Variants in MRTFB observed in about 807,000 individuals in gnomAD.
MRTFB encodes myocardin related transcription factor B.
A neutral mutation model predicts 104.2 loss-of-function variants in MRTFB; 29 were observed. The ratio of observed to expected loss-of-function variants is 0.28; its 90% CI spans 0.21 to 0.38. The LOEUF is 0.38. Ranked by LOEUF, MRTFB falls within the 10% of genes least tolerant of loss-of-function variation. MRTFB has a pLI of 1.00. For synonymous variants in MRTFB, 535 were observed against 519.5 expected (o/e 1.03, Z -0.41); for missense variants, 1,270 against 1,341.6 (o/e 0.95, Z 0.83).
At chr16:14,053,827 G>T in the MRTFB span, among the ~76,000 whole-genome samples, 1 of 152,084 alleles carries the variant, frequency 6.6e-6, no homozygotes, top group Non-Finnish European at 1.5e-5. Context: ...GTTCAAGGTT[G>T]CAGTGAGCTA....
At chr16:14,135,578 A>AT (rs1322174654) in intron 2 of MRTFB, among the ~76,000 whole-genome samples, 7 of 152,188 alleles carry the variant, frequency 4.6e-5, no homozygotes, top group African/African-American at 1.7e-4. Flanking sequence ...CTAACAAAGC[A>AT]TTTCTCAGAG....
In MRTFB at chr16:14,266,446, T is replaced by TG. The variant is rs1206968124; in HGVS notation, c.*5003dup. The TG allele has an allele frequency of 3.3e-5, 5 of 152,248 alleles. No individual in the cohort carries two copies. The highest frequency in any genetic ancestry group is 1.2e-4 in the African/African-American group (5 of 41,468). 9.4% of individuals were successfully genotyped at this position (152,248 alleles called of 1,614,324 possible). A position where few individuals can be genotyped will look rare whatever the true frequency, so the allele number is the denominator to read the frequency against. ...AGAAAGATACCAATCTACAGAGCCC[T>TG]GCTTGTTGAAGCACTAGTTTAATCA... On this transcript the variant is annotated 3_prime_UTR_variant, in exon 17 of 17. Coordinates refer to ENST00000571589, the MANE Select transcript of MRTFB (RefSeq NM_001308142.2).
In MRTFB at chr16:14,262,464, G is replaced by C. The variant is rs76522200; in HGVS notation, c.*1020G>C. ...GGCGAGTTAGAAGAATGGAAGGTAA[G>C]GGGAAGGTCTGTCATCTACCCAGGA... On this transcript the variant is annotated 3_prime_UTR_variant, in exon 17 of 17. Transcript: ENST00000571589. The C allele has an allele frequency of 0.024, 3,658 of 152,328 alleles. 64 individuals are homozygous for C. Among genetic ancestry groups the C allele is most frequent in the Middle Eastern group, 0.082 (24 of 292 alleles). The allele number at this position is 152,328 out of a possible 1,614,324, so 9.4% of individuals were successfully genotyped here. A position where few individuals can be genotyped will look rare whatever the true frequency, so the allele number is the denominator to read the frequency against.
intron 2 of MRTFB, among the ~76,000 whole-genome samples, chr16:14,094,088 G>C (rs918782697): frequency 5.9e-5 from 9 of 152,128 alleles, no homozygotes; most frequent in Admixed American, 5.9e-4. Context: ...AGCTCTTTTA[G>C]ATGATGGTAA....
intron 3 of MRTFB, among the ~76,000 whole-genome samples, chr16:14,197,756 G>A (rs1029908517): frequency 1.3e-5 from 2 of 152,110 alleles, no homozygotes; most frequent in Non-Finnish European, 1.5e-5. Flanking sequence ...GTGTGATGGG[G>A]AATATATAAT....
intron 12 of MRTFB, 179 bp downstream of exon 12, chr16:14,247,686 A>G (rs957847722): frequency 1.3e-5 from 8 of 615,462 alleles, no homozygotes; most frequent in Non-Finnish European, 2.2e-5. Context: ...CTGTTTTTAT[A>G]TAGTGAAAAA....
At chr16:14,069,347 G>A (rs780689941), upstream of MRTFB, among the ~76,000 whole-genome samples, 3 of 152,158 alleles carry the variant, frequency 2.0e-5, no homozygotes, top group Admixed American at 6.5e-5. Flanking sequence ...CGAACTGAGA[G>A]TTACACCATC....
At chr16:14,251,342 A>C (rs1597379712) in intron 13 of MRTFB, among the ~76,000 whole-genome samples, 1 of 141,858 alleles carries the variant, frequency 7.0e-6, no homozygotes, top group South Asian at 2.2e-4. Flanking sequence ...GCACCACTGC[A>C]CTCCAGCCTG....
At position 14,262,677 on chromosome 16, in the gene MRTFB, A is replaced by G. The variant is rs1177023021; in HGVS notation, c.*1233A>G. The stretch of plus-strand genomic sequence containing the variant: ...AACTGGAGGCTTTATTAGTGTTTTT[A>G]TATAGAAAACAGTTATTACATATGT... On this transcript the variant is annotated 3_prime_UTR_variant, in exon 17 of 17. Transcript: ENST00000571589. 1.3e-5 allele frequency: 2 copies of G among 152,236 alleles called. No homozygotes were observed. Among genetic ancestry groups the G allele is most frequent in the African/African-American group, 4.8e-5 (2 of 41,466 alleles). The allele number at this position is 152,236 out of a possible 1,614,324, so 9.4% of individuals were successfully genotyped here.
chr16:14,004,032 T>G, the MRTFB span, among the ~76,000 whole-genome samples: 1 of 151,990 alleles, frequency 6.6e-6, no homozygotes, highest in East Asian at 1.9e-4. Context: ...CAGTTGCATT[T>G]GAGGGTTCGT....
At chr16:14,059,477 T>C in the MRTFB span, among the ~76,000 whole-genome samples, 1 of 152,122 alleles carries the variant, frequency 6.6e-6, no homozygotes, top group South Asian at 2.1e-4. Flanking sequence ...GTATAAGTGT[T>C]AGGATGCTAG....
chr16:14,145,973 T>A (rs1362348550), intron 3 of MRTFB, among the ~76,000 whole-genome samples: 2 of 152,270 alleles, frequency 1.3e-5, no homozygotes, highest in Admixed American at 1.3e-4. Flanking sequence ...TGTTCCTTCC[T>A]GAGGTCGTGT....
intron 3 of MRTFB, among the ~76,000 whole-genome samples, chr16:14,204,056 G>A (rs1205798105): frequency 6.6e-6 from 1 of 152,088 alleles, no homozygotes; most frequent in Non-Finnish European, 1.5e-5. Context: ...TCGAACTCCT[G>A]GGCTCAAGTG....
chr16:14,109,661 TAGTATA>T (rs1286858203), intron 2 of MRTFB, among the ~76,000 whole-genome samples: 1 of 152,202 alleles, frequency 6.6e-6, no homozygotes, highest in Non-Finnish European at 1.5e-5. Context: ...CATTTTTATT[TAGTATA>T]AGTAATTGTC....
At chr16:14,147,903 G>A (rs900076860) in intron 3 of MRTFB, among the ~76,000 whole-genome samples, 3 of 152,126 alleles carry the variant, frequency 2.0e-5, no homozygotes, top group African/African-American at 7.2e-5. Context: ...AGTTTAAACC[G>A]ATGATGAGAC....
Position 14,240,330 on chromosome 16 carries a change from A to G in MRTFB, c.925A>G (p.Ile309Val). 6.2e-7 allele frequency: 1 copy of G among 1,614,230 alleles called. No homozygotes were observed. Among genetic ancestry groups the G allele is most frequent in the Non-Finnish European group, 8.5e-7 (1 of 1,180,040 alleles). The change falls in exon 10 of 17, where the codon ATT becomes GTT. Residue 309 changes from isoleucine (I) to valine (V), a missense_variant. By Grantham distance (29) the Ile-to-Val change is conservative. Coordinates refer to ENST00000571589, the MANE Select transcript of MRTFB (RefSeq NM_001308142.2). ...AAAGAAGTTAAAGTACCACCAATACATTCCACCAGATCAGAAGGGTGAGAA... is the reference window on the plus strand; with the variant it reads ...AAAGAAGTTAAAGTACCACCAATACGTTCCACCAGATCAGAAGGGTGAGAA... Reference protein sequence around the residue: ...RVKKLKYHQYIPPDQKGEKNE... With the variant: ...RVKKLKYHQYVPPDQKGEKNE...
At chr16:14,127,168 G>A (rs1241361497) in intron 2 of MRTFB, among the ~76,000 whole-genome samples, 2 of 152,138 alleles carry the variant, frequency 1.3e-5, no homozygotes, top group Non-Finnish European at 2.9e-5. Flanking sequence ...TTATTAGTTT[G>A]TGCAAGGATT....
At chr16:14,248,763 C>T (rs1597374379) in intron 12 of MRTFB, 163 bp from the exon 13 acceptor site, 1 of 647,744 alleles carries the variant, frequency 1.5e-6, no homozygotes, top group Non-Finnish European at 2.6e-6. Context: ...GGTTTAGAAT[C>T]ATTAAAGTTC....
intron 2 of MRTFB, among the ~76,000 whole-genome samples, chr16:14,102,727 T>C (rs2035765658): frequency 6.6e-6 from 1 of 152,362 alleles, no homozygotes; most frequent in Non-Finnish European, 1.5e-5. Context: ...TCTCAAACTT[T>C]CTGTGTCCAG....
Sources: gnomAD v4.1 joint callset for allele counts (sites outside exome capture counted in the v4.1 genomes callset) on GRCh38, gnomAD v4.1.1 for gene constraint, MANE v1.5 for transcripts, NCBI Gene and HGNC (gene_info 2026-07-23, HGNC 2026-07-21) for gene names.